Variants in DEPDC5 observed in about 807,000 individuals in gnomAD.
The protein encoded by DEPDC5 is GATOR1 complex protein DEPDC5.
Under a neutral mutation model 217.3 loss-of-function variants are expected in DEPDC5, and 73 were observed. That is an observed-to-expected ratio of 0.34 (90% CI 0.28 to 0.41). DEPDC5 has a LOEUF of 0.41. DEPDC5 is among the 10% of genes least tolerant of loss of function. The pLI, the probability that DEPDC5 is intolerant of heterozygous loss-of-function variation, is 1.00. For synonymous variants in DEPDC5, 733 were observed against 756.7 expected (o/e 0.97, Z 0.51); for missense variants, 1,675 against 2,070.1 (o/e 0.81, Z 3.70).
chr22:31,781,552 C>T (rs1409657514), intron 8 of DEPDC5, among the ~76,000 whole-genome samples: 1 of 152,152 alleles, frequency 6.6e-6, no homozygotes, highest in African/African-American at 2.4e-5. Flanking sequence ...CTTGCCTCAG[C>T]CTCCTGAGTA....
chr22:31,872,804 TG>T (rs2092883697), intron 34 of DEPDC5, among the ~76,000 whole-genome samples: 1 of 152,056 alleles, frequency 6.6e-6, no homozygotes, highest in East Asian at 1.9e-4. Context: ...TAGGCTGGAG[TG>T]CATGAGTGGC....
At position 31,754,894 on chromosome 22, in the gene DEPDC5, G is replaced by T. The variant is rs762965656; in HGVS notation, c.-28G>T. ...AGATGACTTCTCTGCCCCAAGCTTGGAACAGCTAAAGGGAAAAACAGTGCA... is the reference window on the plus strand; with the variant it reads ...AGATGACTTCTCTGCCCCAAGCTTGTAACAGCTAAAGGGAAAAACAGTGCA... On this transcript the variant is annotated 5_prime_UTR_variant, in exon 2 of 43. Coordinates refer to ENST00000651528, the MANE Select transcript of DEPDC5 (RefSeq NM_001242896.3). The T allele has an allele frequency of 6.2e-6, 10 of 1,613,652 alleles. No homozygotes were observed. Among genetic ancestry groups the T allele is most frequent in the African/African-American group, 2.7e-5 (2 of 74,904 alleles).
Position 31,885,674 on chromosome 22 carries a change from G to A in DEPDC5, c.4033+5922G>A, listed in dbSNP as rs1246645877. 4.1e-5 allele frequency among the ~76,000 whole-genome samples: 6 copies of A among 147,344 alleles called. No individual in the cohort carries two copies. In the South Asian group the frequency reaches 6.5e-4, roughly 16 times the overall value. Reference sequence around the variant, plus strand: ...TGGGAGGCAGAGCTTGCAGTGAGCCGAGATCATGCCGCTGCACTCCAGCCT... The same window carrying A: ...TGGGAGGCAGAGCTTGCAGTGAGCCAAGATCATGCCGCTGCACTCCAGCCT... On this transcript the variant is annotated intron_variant, in intron 38 of 42. Transcript: ENST00000651528.
At chr22:31,825,079 G>T (rs985978649) in intron 24 of DEPDC5, among the ~76,000 whole-genome samples, 2 of 152,128 alleles carry the variant, frequency 1.3e-5, no homozygotes, top group African/African-American at 4.8e-5. Context: ...AGCCTCTCAG[G>T]CTGTTTGGGG....
intron 25 of DEPDC5, among the ~76,000 whole-genome samples, chr22:31,836,638 C>T (rs1188077355): frequency 6.6e-6 from 1 of 152,096 alleles, no homozygotes; most frequent in South Asian, 2.1e-4. Flanking sequence ...GCTCTTGGAA[C>T]GTTGATGTGC....
At chr22:31,792,417 C>T (rs12157740) in intron 11 of DEPDC5, among the ~76,000 whole-genome samples, 21 of 151,800 alleles carry the variant, frequency 1.4e-4, no homozygotes, top group African/African-American at 4.8e-4. Context: ...ACCAGCCTGG[C>T]CAACATGGTG....
chr22:31,838,592 G>A, intron 26 of DEPDC5, 93 bp from the exon 27 acceptor site: 1 of 1,512,852 alleles, frequency 6.6e-7, no homozygotes, highest in Non-Finnish European at 9.0e-7. Flanking sequence ...TGGTTATAAG[G>A]GGATGAAGCA....
At chr22:31,863,429 A>G (rs976913323) in intron 33 of DEPDC5, among the ~76,000 whole-genome samples, 2 of 152,310 alleles carry the variant, frequency 1.3e-5, no homozygotes, top group Admixed American at 1.3e-4. Flanking sequence ...GGCCTCTGAA[A>G]GTGCTAGGAT....
At chr22:31,876,103 G>A in intron 36 of DEPDC5, 54 bp from the exon 37 acceptor site, 3 of 1,537,106 alleles carry the variant, frequency 2.0e-6, no homozygotes, top group South Asian at 1.1e-5. Context: ...ACTGAGGGCT[G>A]CCCCTTCAAG....
intron 24 of DEPDC5, among the ~76,000 whole-genome samples, chr22:31,825,249 G>A (rs1032316231): frequency 6.6e-6 from 1 of 152,172 alleles, no homozygotes; most frequent in African/African-American, 2.4e-5. Context: ...GGATAGCTCA[G>A]GTGGACCAGT....
chr22:31,866,752 C>A (rs2092700292), intron 33 of DEPDC5, among the ~76,000 whole-genome samples: 1 of 152,152 alleles, frequency 6.6e-6, no homozygotes, highest in African/African-American at 2.4e-5. Context: ...GTAGAATGTC[C>A]CCAAATCTGG....
At chr22:31,873,445 T>C (rs2092905475) in intron 35 of DEPDC5, 113 bp downstream of exon 35, 1 of 1,173,802 alleles carries the variant, frequency 8.5e-7, no homozygotes, top group Non-Finnish European at 1.2e-6. Flanking sequence ...CTCACCAGTT[T>C]TGAGAGCTTG....
chr22:31,892,463 C>G (rs1315919136), intron 38 of DEPDC5, among the ~76,000 whole-genome samples: 2 of 152,166 alleles, frequency 1.3e-5, no homozygotes, highest in Non-Finnish European at 2.9e-5. Context: ...GCGGGTGGAG[C>G]ACCGGCGGTC....
chr22:31,811,036 A>G (rs1325145502), intron 20 of DEPDC5, among the ~76,000 whole-genome samples: 1 of 151,730 alleles, frequency 6.6e-6, no homozygotes, highest in Non-Finnish European at 1.5e-5. Context: ...CGACCTCCCA[A>G]AATGCTAGGA....
At chr22:31,866,446 C>T (rs1276104099) in intron 33 of DEPDC5, among the ~76,000 whole-genome samples, 1 of 152,110 alleles carries the variant, frequency 6.6e-6, no homozygotes, top group Non-Finnish European at 1.5e-5. Context: ...AATGCAGTGG[C>T]GTGATCTCAG....
intron 8 of DEPDC5, among the ~76,000 whole-genome samples, chr22:31,782,646 C>T (rs2084570002): frequency 6.6e-6 from 1 of 152,186 alleles, no homozygotes; most frequent in Non-Finnish European, 1.5e-5. Flanking sequence ...ATTAGACTGG[C>T]AACTCATCAC....
chr22:31,815,818 T>G, intron 21 of DEPDC5: 1 of 1,216,510 alleles, frequency 8.2e-7, no homozygotes. Flanking sequence ...CATGAACCAA[T>G]GTTACCGCAC....
chr22:31,905,495 G>T (rs1344857779), intron 41 of DEPDC5, among the ~76,000 whole-genome samples: 1 of 151,884 alleles, frequency 6.6e-6, no homozygotes, highest in Non-Finnish European at 1.5e-5. Context: ...AAAAAGATAA[G>T]GACCTTCCCT....
chr22:31,798,270 C>T (rs1186834974), intron 13 of DEPDC5, among the ~76,000 whole-genome samples: 1 of 152,086 alleles, frequency 6.6e-6, no homozygotes, highest in African/African-American at 2.4e-5. Context: ...ATGTCTCATG[C>T]CTGTAATCCC....
Sources: gnomAD v4.1 joint callset for allele counts (sites outside exome capture counted in the v4.1 genomes callset) on GRCh38, gnomAD v4.1.1 for gene constraint, MANE v1.5 for transcripts, NCBI Gene and HGNC (gene_info 2026-07-23, HGNC 2026-07-21) for gene names.